The following KCND2 variants were observed in gnomAD, a reference collection of about 807,000 sequenced individuals.
The protein encoded by KCND2 is A-type voltage-gated potassium channel KCND2.
A neutral mutation model predicts 54.4 loss-of-function variants in KCND2; 16 were observed. The ratio of observed to expected loss-of-function variants is 0.29; its 90% CI spans 0.20 to 0.45. KCND2 has a LOEUF of 0.45. Among genes scored for constraint, KCND2 ranks in the 20% least tolerant of loss-of-function variants. The pLI, the probability that KCND2 is intolerant of heterozygous loss-of-function variation, is 1.00. For synonymous variants in KCND2, 317 were observed against 310.7 expected, an observed-to-expected ratio of 1.02 and a Z score of -0.21; for missense variants, 486 against 824.2, an observed-to-expected ratio of 0.59 and a Z score of 5.02.
At chr7:120,593,003 A>G (rs527388398) in intron 1 of KCND2, among the ~76,000 whole-genome samples, 1 of 152,350 alleles carries the variant, frequency 6.6e-6, no homozygotes, top group South Asian at 2.1e-4. Flanking sequence ...AAACTTACAG[A>G]GAAATATCAA....
chr7:120,309,573 A>G (rs1343432687), intron 1 of KCND2, among the ~76,000 whole-genome samples: 3 of 150,926 alleles, frequency 2.0e-5, no homozygotes, highest in African/African-American at 7.3e-5. Flanking sequence ...ACACATATAT[A>G]TAATTCTGAC....
At chr7:120,679,441 G>C (rs796107369) in intron 1 of KCND2, among the ~76,000 whole-genome samples, 7 of 151,984 alleles carry the variant, frequency 4.6e-5, no homozygotes, top group African/African-American at 1.7e-4. Context: ...TGTGGCTTTG[G>C]GGGCTTCTTC....
At chr7:120,293,410 A>G (rs1799464953) in intron 1 of KCND2, among the ~76,000 whole-genome samples, 1 of 151,918 alleles carries the variant, frequency 6.6e-6, no homozygotes, top group African/African-American at 2.4e-5. Context: ...AACAAATTCT[A>G]ATTGAATTGT....
At chr7:120,577,856 A>C (rs1462130896) in intron 1 of KCND2, among the ~76,000 whole-genome samples, 1 of 152,276 alleles carries the variant, frequency 6.6e-6, no homozygotes, top group African/African-American at 2.4e-5. Context: ...AAGTGCTGGG[A>C]TTACAGGCGT....
At chr7:120,307,003 G>A (rs1799657837) in intron 1 of KCND2, among the ~76,000 whole-genome samples, 3 of 151,968 alleles carry the variant, frequency 2.0e-5, no homozygotes, top group South Asian at 4.1e-4. Flanking sequence ...GATTATTCAG[G>A]CCTAAATAGC....
At chr7:120,377,474 ATGT>A (rs1800849673) in intron 1 of KCND2, among the ~76,000 whole-genome samples, 1 of 151,786 alleles carries the variant, frequency 6.6e-6, no homozygotes. Flanking sequence ...ATTGAGTAGT[ATGT>A]TGTTAGATGC....
chr7:120,616,383 G>A (rs1323728002), intron 1 of KCND2, among the ~76,000 whole-genome samples: 1 of 151,992 alleles, frequency 6.6e-6, no homozygotes, highest in Non-Finnish European at 1.5e-5. Flanking sequence ...TTCTATATAG[G>A]GCTAACCATA....
Position 120,742,058 on chromosome 7 carries a change from A to G in KCND2, c.1374+429A>G, listed in dbSNP as rs529890267. Among the ~76,000 whole-genome samples, 149 of 152,290 alleles carry G rather than the reference A, an allele frequency of 9.8e-4. 2 individuals carry two copies. Among genetic ancestry groups the G allele is most frequent in the South Asian group, 1.2e-3 (6 of 4,824 alleles). ...AGAGGGAATACTATTCAGTGTTAGG[A>G]AGATCATATGGCATAAACTACAATT... On this transcript the variant is annotated intron_variant, in intron 3 of 5. Transcript: ENST00000331113.
Position 120,663,710 on chromosome 7 carries a change from C to T in KCND2, c.1116-69193C>T, listed in dbSNP as rs759054483. ...ATTACATGATTACTTTTCTGTAATACGACATATGTTTCTACTTGATACTAT... is the reference window on the plus strand; with the variant it reads ...ATTACATGATTACTTTTCTGTAATATGACATATGTTTCTACTTGATACTAT... On this transcript the variant is annotated intron_variant, in intron 1 of 5. Coordinates refer to ENST00000331113, the MANE Select transcript of KCND2 (RefSeq NM_012281.3). Among the ~76,000 whole-genome samples, 19 of 152,180 alleles carry T rather than the reference C, an allele frequency of 1.2e-4. 1 individual carries two copies. The highest frequency in any genetic ancestry group is 3.9e-4 in the Admixed American group (6 of 15,288).
At chr7:120,376,473 T>A (rs1741846373) in intron 1 of KCND2, among the ~76,000 whole-genome samples, 1 of 150,882 alleles carries the variant, frequency 6.6e-6, no homozygotes, top group African/African-American at 2.4e-5. Flanking sequence ...TTTACTTATA[T>A]TTTTATAAAA....
chr7:120,608,355 A>T (rs1792909405), intron 1 of KCND2, among the ~76,000 whole-genome samples: 1 of 152,128 alleles, frequency 6.6e-6, no homozygotes. Flanking sequence ...TGAAAGTTCT[A>T]GGAAATAGGA....
chr7:120,521,313 T>C (rs1370510558), intron 1 of KCND2, among the ~76,000 whole-genome samples: 1 of 152,036 alleles, frequency 6.6e-6, no homozygotes, highest in African/African-American at 2.4e-5. Flanking sequence ...ATGTCCAATT[T>C]TTAAAAAAAA....
chr7:120,602,246 T>C (rs909030828), intron 1 of KCND2, among the ~76,000 whole-genome samples: 1 of 152,208 alleles, frequency 6.6e-6, no homozygotes, highest in African/African-American at 2.4e-5. Flanking sequence ...TTATGAAAAA[T>C]GTTCATTCTC....
intron 1 of KCND2, among the ~76,000 whole-genome samples, chr7:120,507,854 G>A (rs1386990980): frequency 1.3e-5 from 2 of 151,688 alleles, no homozygotes; most frequent in African/African-American, 4.8e-5. Context: ...TAATGTGACT[G>A]TATTATTTCC....
intron 1 of KCND2, among the ~76,000 whole-genome samples, chr7:120,431,776 C>G (rs1048913365): frequency 6.6e-6 from 1 of 152,092 alleles, no homozygotes; most frequent in African/African-American, 2.4e-5. Context: ...AAATATCCCA[C>G]TTAACTGTCC....
In KCND2 at chr7:120,371,104, A is replaced by T. The variant is rs1450646827; in HGVS notation, c.1115+95357A>T. Among the ~76,000 whole-genome samples the T allele has an allele frequency of 8.6e-5, 13 of 152,046 alleles. No homozygotes were observed. The East Asian group carries it at 2.5e-3, about 29-fold the overall frequency. ...TCTATCGTAATTGATGGGAGAGAGA[A>T]CATGCCACACCGTACACTTCCTCTT... On this transcript the variant is annotated intron_variant, in intron 1 of 5. Transcript: ENST00000331113.
intron 1 of KCND2, among the ~76,000 whole-genome samples, chr7:120,432,177 A>G (rs1456634520): frequency 6.6e-6 from 1 of 152,208 alleles, no homozygotes; most frequent in East Asian, 1.9e-4. Flanking sequence ...TATTTCAAAC[A>G]GTACTCAAAT....
intron 1 of KCND2, among the ~76,000 whole-genome samples, chr7:120,396,671 G>A (rs530899649): frequency 6.6e-6 from 1 of 151,708 alleles, no homozygotes; most frequent in African/African-American, 2.4e-5. Context: ...AAATGTGTGT[G>A]TGTGTGTGCA....
rs1792999949 is a variant in KCND2 at position 120,745,902 on chromosome 7, T to C, written c.1590T>C (p.Cys530=). The change falls in exon 5 of 6, where the codon TGT becomes TGC. Residue 530 remains cysteine, a synonymous_variant. Transcript: ENST00000331113. The stretch of plus-strand genomic sequence containing the variant: ...AACAAGGAGTCACCAGCACCTGCTG[T>C]TCACGACGACACAAAAAAACTTTTC... ...SSQQGVTSTC[C]SRRHKKTFRI... 4 of 1,613,906 alleles carry C rather than the reference T, an allele frequency of 2.5e-6. No homozygotes were observed. The highest frequency in any genetic ancestry group is 3.4e-6 in the Non-Finnish European group (4 of 1,179,840).
Sources: gnomAD v4.1 joint callset for allele counts (sites outside exome capture counted in the v4.1 genomes callset) on GRCh38, gnomAD v4.1.1 for gene constraint, MANE v1.5 for transcripts, NCBI Gene and HGNC (gene_info 2026-07-23, HGNC 2026-07-21) for gene names.